The following SMARCA2 variants were observed in gnomAD, a reference collection of about 807,000 sequenced individuals.
SMARCA2 encodes the protein SWI/SNF related BAF chromatin remodeling complex subunit ATPase 2.
In SMARCA2, 61 loss-of-function variants were observed where a neutral mutation model predicts 199.8. That is an observed-to-expected ratio of 0.31 (90% CI 0.25 to 0.38). The LOEUF (loss-of-function observed/expected upper bound fraction) is 0.38. Among genes scored for constraint, SMARCA2 ranks in the 10% least tolerant of loss-of-function variants. The pLI is 1.00. For synonymous variants in SMARCA2, 935 were observed against 732.0 expected (o/e 1.28, Z -4.48); for missense variants, 1,344 against 2,012.2 (o/e 0.67, Z 6.35).
chr9:2,164,701 G>A (rs894892305), intron 28 of SMARCA2, among the ~76,000 whole-genome samples: 13 of 152,212 alleles, frequency 8.5e-5, no homozygotes, highest in African/African-American at 2.7e-4. Flanking sequence ...TATTGAGTAT[G>A]TCTTTAGTTG....
intron 27 of SMARCA2, among the ~76,000 whole-genome samples, chr9:2,147,321 T>C (rs1824811659): frequency 6.6e-6 from 1 of 151,614 alleles, no homozygotes; most frequent in African/African-American, 2.4e-5. Flanking sequence ...GCAGATGCCT[T>C]CTTAAATAAT....
At chr9:2,153,291 C>CT (rs1270150900) in intron 27 of SMARCA2, among the ~76,000 whole-genome samples, 2 of 152,212 alleles carry the variant, frequency 1.3e-5, no homozygotes, top group East Asian at 3.9e-4. Flanking sequence ...AATCCCAACA[C>CT]TTTGGGAGGC....
At chr9:2,179,112 G>A (rs1289987522) in intron 29 of SMARCA2, among the ~76,000 whole-genome samples, 1 of 152,216 alleles carries the variant, frequency 6.6e-6, no homozygotes, top group Non-Finnish European at 1.5e-5. Flanking sequence ...CAGCTATGGA[G>A]TGAGAGCTAG....
Position 2,056,661 on chromosome 9 carries a change from C to T in SMARCA2, c.1174-11C>T. The T allele has an allele frequency of 6.2e-7, 1 of 1,611,500 alleles. No individual in the cohort carries two copies. On this transcript the variant is annotated splice_polypyrimidine_tract_variant and intron_variant, in intron 6 of 33. Transcript: ENST00000349721. This position sits in a 1 kb window ranked among gnomAD's most constrained non-coding sequence, Gnocchi z 4.0. ...TTAGGGAAGGCTGTCTAACTGCTCT[C>T]TTCTTGACAGCTGAGACAGGAGGTG...
chr9:2,088,658 C>T, intron 19 of SMARCA2, 45 bp downstream of exon 19: 1 of 1,348,846 alleles, frequency 7.4e-7, no homozygotes, highest in Non-Finnish European at 1.0e-6. Context: ...TTTCCTCCAG[C>T]AAATATATTT....
chr9:2,182,754 CAA>C (rs1827141484), intron 31 of SMARCA2, among the ~76,000 whole-genome samples: 1 of 150,832 alleles, frequency 6.6e-6, no homozygotes, highest in South Asian at 2.1e-4. Flanking sequence ...CTCGGCCTCC[CAA>C]AGTGTTGGGA....
intron 27 of SMARCA2, among the ~76,000 whole-genome samples, chr9:2,154,954 C>G (rs532367315): frequency 6.6e-6 from 1 of 152,102 alleles, no homozygotes; most frequent in Admixed American, 6.5e-5. Context: ...TTGATGATCT[C>G]GGAATAGGAA....
At chr9:2,096,634 A>G (rs1463791054) in intron 19 of SMARCA2, 23 bp from the exon 20 acceptor site, 1 of 1,516,026 alleles carries the variant, frequency 6.6e-7, no homozygotes, top group Non-Finnish European at 9.2e-7. Context: ...GCTCTTGCCT[A>G]CTTACTGTTC....
At chr9:2,026,438 C>T (rs1197315404) in intron 1 of SMARCA2, among the ~76,000 whole-genome samples, 1 of 151,952 alleles carries the variant, frequency 6.6e-6, no homozygotes, top group African/African-American at 2.4e-5. Flanking sequence ...GCAAAAAAAA[C>T]GAGGAGCATT....
chr9:2,158,160 CAAAAAAAAAAA>C (rs532618380), intron 27 of SMARCA2: 6 of 87,882 alleles, frequency 6.8e-5, no homozygotes, highest in African/African-American at 1.5e-4. Context: ...GAAAGAGGGC[CAAAAAAAAAAA>C]AAAAAAAAAA....
intron 3 of SMARCA2, among the ~76,000 whole-genome samples, chr9:2,036,991 G>T (rs116072593): frequency 3.0e-3 from 451 of 152,254 alleles, no homozygotes; most frequent in Non-Finnish European, 5.6e-3. Flanking sequence ...TAGGAAATAG[G>T]AAAGACCGGA....
intron 33 of SMARCA2, chr9:2,192,348 A>C (rs1827942541): frequency 3.9e-6 from 1 of 255,708 alleles, no homozygotes; most frequent in Non-Finnish European, 7.4e-6. Flanking sequence ...TTTCAAATAC[A>C]TTTTTCTTTA....
chr9:2,073,106 A>G (rs1375050503), intron 10 of SMARCA2, 106 bp from the exon 11 acceptor site: 1 of 1,349,184 alleles, frequency 7.4e-7, no homozygotes, highest in Non-Finnish European at 1.0e-6. Context: ...CAAACACAGA[A>G]TAAGGTTTCA....
chr9:2,156,957 T>C (rs1825398662), intron 27 of SMARCA2, among the ~76,000 whole-genome samples: 1 of 152,216 alleles, frequency 6.6e-6, no homozygotes, highest in African/African-American at 2.4e-5. Context: ...GTCTAGATTA[T>C]TTCACTTTAG....
Position 2,166,529 on chromosome 9 carries a change from C to G in SMARCA2, c.4200-3890C>G, listed in dbSNP as rs140301739. ...TGAACCTATGCCTACTGATTGTATT[C>G]TTATCCCTGTGTAGTTCCAGCCTTA... On this transcript the variant is annotated intron_variant, in intron 28 of 33. Transcript: ENST00000349721. Among the ~76,000 whole-genome samples the G allele has an allele frequency of 1.3e-3, 198 of 152,304 alleles. 1 individual carries two copies. Among genetic ancestry groups the G allele is most frequent in the African/African-American group, 4.7e-3 (194 of 41,554 alleles).
At chr9:2,021,685 C>A (rs1024541356) in intron 1 of SMARCA2, among the ~76,000 whole-genome samples, 1 of 152,054 alleles carries the variant, frequency 6.6e-6, no homozygotes, top group Non-Finnish European at 1.5e-5. Context: ...TAAGCAGAGT[C>A]CAAAATTCTG....
At chr9:2,163,805 G>A (rs1378790656) in intron 28 of SMARCA2, among the ~76,000 whole-genome samples, 1 of 152,152 alleles carries the variant, frequency 6.6e-6, no homozygotes, top group Non-Finnish European at 1.5e-5. Flanking sequence ...TTCATTCTAA[G>A]GTGATGGCTG....
At chr9:2,015,652 C>A (rs1231147414) in intron 1 of SMARCA2, among the ~76,000 whole-genome samples, 1 of 152,162 alleles carries the variant, frequency 6.6e-6, no homozygotes, top group Non-Finnish European at 1.5e-5. Context: ...TCCCAGGCGG[C>A]GGTGGAAGAA....
chr9:2,062,200 C>T (rs1471666598), intron 9 of SMARCA2, among the ~76,000 whole-genome samples: 1 of 152,106 alleles, frequency 6.6e-6, no homozygotes, highest in South Asian at 2.1e-4. Flanking sequence ...TTTTATATGT[C>T]TAATGACTTC....
Sources: gnomAD v4.1 joint callset for allele counts (sites outside exome capture counted in the v4.1 genomes callset) on GRCh38, gnomAD v4.1.1 for gene constraint, Gnocchi (gnomAD v3.1) non-coding constraint, MANE v1.5 for transcripts, NCBI Gene and HGNC (gene_info 2026-07-23, HGNC 2026-07-21) for gene names.